FAM184A: variants seen among roughly 807,000 people sequenced by gnomAD.
The protein encoded by FAM184A is family with sequence similarity 184 member A, also known as protein FAM184A.
A neutral mutation model predicts 143.8 loss-of-function variants in FAM184A; 99 were observed. That is an observed-to-expected ratio of 0.69 (90% CI 0.58 to 0.81). The LOEUF (loss-of-function observed/expected upper bound fraction) is 0.81. Among genes scored for constraint, FAM184A ranks in the 40% least tolerant of loss-of-function variants. The pLI, the probability that FAM184A is intolerant of heterozygous loss-of-function variation, is 0.00. For synonymous variants in FAM184A, 427 were observed against 446.4 expected (o/e 0.96, Z 0.55); for missense variants, 1,217 against 1,310.5 (o/e 0.93, Z 1.10).
rs1209034055 is a variant in FAM184A, at chr6:119,032,620, GGGA to G, written c.160-7810_160-7808del. ...CAGGAGAAGAGGGGGGAGAGGGAGGGGGAGGAGGAGGAGGAAGGGAGGAAAAGA... is the reference window on the plus strand; with the variant it reads ...CAGGAGAAGAGGGGGGAGAGGGAGGGGGAGGAGGAGGAAGGGAGGAAAAGA... On this transcript the variant is annotated intron_variant, in intron 1 of 17. Transcript: ENST00000338891. Among the ~76,000 whole-genome samples the G allele has an allele frequency of 1.0e-3, 151 of 144,394 alleles. 1 individual carries two copies. Among genetic ancestry groups the G allele is most frequent in the African/African-American group, 3.3e-3 (130 of 39,046 alleles). 94.7% of individuals were successfully genotyped at this position (144,394 alleles called of 152,430 possible).
intron 1 of FAM184A, among the ~76,000 whole-genome samples, chr6:119,105,049 G>T (rs1411474810): frequency 6.6e-6 from 1 of 152,124 alleles, no homozygotes; most frequent in African/African-American, 2.4e-5. Flanking sequence ...AAGCCAAGGA[G>T]AGCCTAAGAG....
At chr6:119,056,877 A>G (rs1786997857) in intron 1 of FAM184A, among the ~76,000 whole-genome samples, 1 of 152,196 alleles carries the variant, frequency 6.6e-6, no homozygotes, top group Non-Finnish European at 1.5e-5. Context: ...TTTCTGACAC[A>G]ACTACTACTC....
intron 9 of FAM184A, among the ~76,000 whole-genome samples, chr6:118,996,808 G>A (rs1210264865): frequency 2.0e-5 from 3 of 150,970 alleles, no homozygotes; most frequent in South Asian, 2.1e-4. Flanking sequence ...TCTGTCTCCC[G>A]TGTTTAAGCC....
At chr6:119,130,051 T>C (rs1789493677) in intron 1 of FAM184A, among the ~76,000 whole-genome samples, 1 of 151,996 alleles carries the variant, frequency 6.6e-6, no homozygotes, top group African/African-American at 2.4e-5. Context: ...AACATTTTTT[T>C]TTAAAGATAG....
chr6:118,976,674 A>C (rs374007141), intron 11 of FAM184A, among the ~76,000 whole-genome samples: 1 of 146,092 alleles, frequency 6.8e-6, no homozygotes, highest in Non-Finnish European at 1.5e-5. Context: ...AAAAAAAAAA[A>C]AAAGAATGAA....
At chr6:118,984,295 C>G (rs1026147498) in intron 9 of FAM184A, among the ~76,000 whole-genome samples, 1 of 149,138 alleles carries the variant, frequency 6.7e-6, no homozygotes, top group Non-Finnish European at 1.5e-5. Flanking sequence ...TCAAGTGATT[C>G]TCCCACCTCA....
chr6:119,104,586 G>A (rs961702845), intron 1 of FAM184A, among the ~76,000 whole-genome samples: 2 of 152,124 alleles, frequency 1.3e-5, no homozygotes, highest in Non-Finnish European at 2.9e-5. Flanking sequence ...CTAAGAATAT[G>A]ATCTTAAGTG....
chr6:119,103,086 T>C (rs1295174036), intron 1 of FAM184A, among the ~76,000 whole-genome samples: 1 of 152,164 alleles, frequency 6.6e-6, no homozygotes, highest in Non-Finnish European at 1.5e-5. Flanking sequence ...CTGCCAGGAA[T>C]TGGTTTATGA....
At chr6:119,074,842 A>G (rs775177509) in intron 1 of FAM184A, among the ~76,000 whole-genome samples, 3 of 152,194 alleles carry the variant, frequency 2.0e-5, no homozygotes, top group Non-Finnish European at 4.4e-5. Context: ...AGTGACCCAA[A>G]TATGCTAGAC....
chr6:118,967,442 C>T (rs1258677174), intron 14 of FAM184A, among the ~76,000 whole-genome samples: 1 of 152,152 alleles, frequency 6.6e-6, no homozygotes, highest in African/African-American at 2.4e-5. Flanking sequence ...TGTATGACGT[C>T]ATTTTTTCCT....
At chr6:119,101,202 G>A (rs918279641) in intron 1 of FAM184A, among the ~76,000 whole-genome samples, 10 of 151,570 alleles carry the variant, frequency 6.6e-5, no homozygotes, top group African/African-American at 2.4e-4. Context: ...GAGTAGCTGG[G>A]ATTACAGGCA....
intron 1 of FAM184A, among the ~76,000 whole-genome samples, chr6:119,123,697 G>T (rs567112622): frequency 6.6e-6 from 1 of 152,154 alleles, no homozygotes; most frequent in Admixed American, 6.5e-5. Flanking sequence ...CATTCAGTCC[G>T]TTGGAGGCTT....
At chr6:118,983,167 C>A (rs1158869340) in intron 9 of FAM184A, among the ~76,000 whole-genome samples, 2 of 152,094 alleles carry the variant, frequency 1.3e-5, no homozygotes, top group Non-Finnish European at 2.9e-5. Context: ...CTTAATCATG[C>A]AATGCAATAT....
intron 1 of FAM184A, among the ~76,000 whole-genome samples, chr6:119,128,534 T>C (rs1376474993): frequency 2.6e-5 from 4 of 152,128 alleles, no homozygotes; most frequent in African/African-American, 9.7e-5. Flanking sequence ...TTCAAGATTA[T>C]CTTCTGAAAT....
chr6:119,044,170 A>G (rs551824965), intron 1 of FAM184A, among the ~76,000 whole-genome samples: 1 of 152,236 alleles, frequency 6.6e-6, no homozygotes, highest in Non-Finnish European at 1.5e-5. Context: ...TGTCCTAGCT[A>G]GAGCAATTAT....
intron 9 of FAM184A, among the ~76,000 whole-genome samples, chr6:118,998,492 G>A (rs1353038356): frequency 1.3e-5 from 2 of 152,048 alleles, no homozygotes; most frequent in African/African-American, 2.4e-5. Context: ...TATATACTGT[G>A]TAGAAGTAAA....
intron 1 of FAM184A, among the ~76,000 whole-genome samples, chr6:119,142,831 G>A (rs1772292709): frequency 6.6e-6 from 1 of 152,212 alleles, no homozygotes; most frequent in Admixed American, 6.5e-5. Context: ...TTAGGATGAA[G>A]TTATACTGGA....
chr6:119,048,603 CA>C (rs1449906358), intron 1 of FAM184A, among the ~76,000 whole-genome samples: 1 of 152,134 alleles, frequency 6.6e-6, no homozygotes, highest in Non-Finnish European at 1.5e-5. Context: ...AGCTAAGAGA[CA>C]AACCAGGAAG....
At chr6:119,095,361 G>A (rs1788478519) in intron 1 of FAM184A, among the ~76,000 whole-genome samples, 1 of 152,130 alleles carries the variant, frequency 6.6e-6, no homozygotes, top group Non-Finnish European at 1.5e-5. Context: ...CCTGTTAGGT[G>A]TTCTTTTTTT....
Sources: allele counts gnomAD v4.1 joint callset (sites outside exome capture counted in the v4.1 genomes callset), GRCh38; gene constraint gnomAD v4.1.1; transcripts MANE v1.5; gene names NCBI Gene and HGNC (gene_info 2026-07-23, HGNC 2026-07-21).